ERC2: variants seen among roughly 807,000 people sequenced by gnomAD.
ERC2 encodes the protein ELKS/RAB6-interacting/CAST family member 2.
ERC2 carries 42 observed loss-of-function variants against 114.8 expected under a neutral mutation model. The ratio of observed to expected loss-of-function variants is 0.37; its 90% CI spans 0.29 to 0.47. The LOEUF is 0.47. Among genes scored for constraint, ERC2 ranks in the 20% least tolerant of loss-of-function variants. The pLI, the probability that ERC2 is intolerant of heterozygous loss-of-function variation, is 0.99. For missense variants in ERC2, 939 were observed against 1,150.7 expected (o/e 0.82, Z 2.66); for synonymous variants, 454 against 425.5 (o/e 1.07, Z -0.82).
intron 13 of ERC2, among the ~76,000 whole-genome samples, chr3:55,888,973 T>G (rs761946472): frequency 1.3e-5 from 2 of 152,184 alleles, no homozygotes; most frequent in African/African-American, 2.4e-5. Context: ...ACAAGAAATG[T>G]CCAAATTTCT....
chr3:56,194,428 A>G (rs150231318), intron 3 of ERC2, among the ~76,000 whole-genome samples: 100 of 152,336 alleles, frequency 6.6e-4, no homozygotes, highest in African/African-American at 2.3e-3. Context: ...TGTACTCTAC[A>G]GCCTGGGAGA....
At chr3:55,650,956 C>T (rs1177436750) in intron 17 of ERC2, among the ~76,000 whole-genome samples, 2 of 151,706 alleles carry the variant, frequency 1.3e-5, no homozygotes, top group African/African-American at 4.8e-5. Flanking sequence ...AACCAATTCT[C>T]CCTGCCTCAG....
chr3:56,255,874 G>C (rs2052481726), intron 3 of ERC2, among the ~76,000 whole-genome samples: 1 of 152,202 alleles, frequency 6.6e-6, no homozygotes, highest in African/African-American at 2.4e-5. Context: ...TTGCCTAGGA[G>C]CTAATTAGAA....
chr3:55,912,091 G>C (rs896320680), intron 13 of ERC2, among the ~76,000 whole-genome samples: 2 of 152,194 alleles, frequency 1.3e-5, no homozygotes, highest in Non-Finnish European at 2.9e-5. Context: ...ATTGGTGGTG[G>C]TAGGGATTGA....
At chr3:55,871,303 G>A (rs1362006250) in intron 14 of ERC2, among the ~76,000 whole-genome samples, 3 of 152,138 alleles carry the variant, frequency 2.0e-5, no homozygotes, top group Non-Finnish European at 4.4e-5. Context: ...CCATGAAGAA[G>A]TGAATTTTTT....
chr3:55,884,407 A>G (rs1559813897), intron 14 of ERC2, among the ~76,000 whole-genome samples: 3 of 152,218 alleles, frequency 2.0e-5, no homozygotes. Flanking sequence ...CTCTCTCTCC[A>G]TGTTAGGATC....
intron 6 of ERC2, among the ~76,000 whole-genome samples, chr3:56,109,767 C>T (rs1264056660): frequency 6.6e-6 from 1 of 151,790 alleles, no homozygotes; most frequent in African/African-American, 2.4e-5. Context: ...CCAAAAAGAA[C>T]AAATAAACTA....
chr3:56,041,565 C>T (rs2075194217), intron 7 of ERC2, among the ~76,000 whole-genome samples: 1 of 152,188 alleles, frequency 6.6e-6, no homozygotes, highest in South Asian at 2.1e-4. Flanking sequence ...AGAAAGCAGG[C>T]ATTCCCTTCC....
chr3:56,058,272 T>C lies in ERC2; in HGVS notation c.1641+22545A>G, dbSNP rs184241383. Among the ~76,000 whole-genome samples the C allele has an allele frequency of 3.3e-4, 51 of 152,318 alleles. No individual in the cohort carries two copies. In the East Asian group the frequency reaches 8.7e-3, roughly 26 times the overall value. Reference sequence around the variant, plus strand: ...GACCTGCAAGTGGTCTCTGTAACTGTTACGACCCTTGGACTTAATCCAACG... The same window carrying C: ...GACCTGCAAGTGGTCTCTGTAACTGCTACGACCCTTGGACTTAATCCAACG... On this transcript the variant is annotated intron_variant, in intron 7 of 17. Transcript: ENST00000288221.
chr3:55,577,985 C>G (rs2057071452), intron 17 of ERC2, among the ~76,000 whole-genome samples: 1 of 152,190 alleles, frequency 6.6e-6, no homozygotes, highest in South Asian at 2.1e-4. Flanking sequence ...GGACGTGGCC[C>G]CCACTGCAGG....
At chr3:56,340,812 G>A (rs1432580628) in intron 2 of ERC2, among the ~76,000 whole-genome samples, 1 of 152,080 alleles carries the variant, frequency 6.6e-6, no homozygotes, top group Non-Finnish European at 1.5e-5. Context: ...ATAGTTATAA[G>A]TATCTCCTTC....
intron 15 of ERC2, among the ~76,000 whole-genome samples, chr3:55,700,194 C>T (rs922000687): frequency 2.6e-5 from 4 of 152,330 alleles, no homozygotes; most frequent in South Asian, 2.1e-4. Flanking sequence ...CATGGTTAAA[C>T]CCCCAATGCA....
chr3:56,344,265 G>C (rs1420199930), intron 2 of ERC2, among the ~76,000 whole-genome samples: 1 of 152,192 alleles, frequency 6.6e-6, no homozygotes, highest in Non-Finnish European at 1.5e-5. Flanking sequence ...GGCTACTTGA[G>C]CCCTTTAGCC....
intron 14 of ERC2, among the ~76,000 whole-genome samples, chr3:55,876,679 A>C (rs1186397465): frequency 6.6e-6 from 1 of 152,226 alleles, no homozygotes; most frequent in Non-Finnish European, 1.5e-5. Context: ...GTGGACCAGA[A>C]AGAACCACAG....
At chr3:56,306,310 T>G (rs2056224075) in intron 2 of ERC2, among the ~76,000 whole-genome samples, 1 of 152,140 alleles carries the variant, frequency 6.6e-6, no homozygotes, top group Admixed American at 6.6e-5. Flanking sequence ...AACAGACACA[T>G]ACAAGAACAT....
Position 55,800,426 on chromosome 3 carries a change from G to A in ERC2, c.2565-65508C>T, listed in dbSNP as rs536746924. Among the ~76,000 whole-genome samples the A allele has an allele frequency of 1.5e-3, 234 of 152,110 alleles. 2 individuals carry two copies. Among genetic ancestry groups the A allele is most frequent in the Non-Finnish European group, 3.0e-3 (201 of 68,034 alleles). Reference sequence around the variant, plus strand: ...CAAAGTGCTGGGATTACAGGTGTGAGCCACCGCGCCTAGCCGGAAGTTATG... The same window carrying A: ...CAAAGTGCTGGGATTACAGGTGTGAACCACCGCGCCTAGCCGGAAGTTATG... On this transcript the variant is annotated intron_variant, in intron 14 of 17. Transcript: ENST00000288221.
rs537116991 is a variant in ERC2 at position 55,546,212 on chromosome 3, T to C, written c.*40-34936A>G. Reference sequence around the variant, plus strand: ...GGCTCTGCTCGGCACTTCCTGGGCCTCTTCATTCTGTCCGGCCTCCCTGCT... The same window carrying C: ...GGCTCTGCTCGGCACTTCCTGGGCCCCTTCATTCTGTCCGGCCTCCCTGCT... On this transcript the variant is annotated intron_variant, in intron 17 of 17. Transcript: ENST00000288221. 2.0e-5 allele frequency among the ~76,000 whole-genome samples: 3 copies of C among 152,306 alleles called. No homozygotes were observed. In the South Asian group the frequency reaches 6.2e-4, roughly 32 times the overall value.
intron 6 of ERC2, among the ~76,000 whole-genome samples, chr3:56,088,047 CTG>C (rs558399606): frequency 9.2e-5 from 14 of 152,232 alleles, no homozygotes; most frequent in Middle Eastern, 6.8e-3. Flanking sequence ...AGATGAAACG[CTG>C]TGTTTTCTTC....
At chr3:55,972,977 A>T (rs755034554) in intron 12 of ERC2, among the ~76,000 whole-genome samples, 13 of 152,322 alleles carry the variant, frequency 8.5e-5, no homozygotes, top group Admixed American at 2.0e-4. Flanking sequence ...ATGAGGGGGT[A>T]GAGTGACATT....
Sources: allele counts gnomAD v4.1 joint callset (sites outside exome capture counted in the v4.1 genomes callset), GRCh38; gene constraint gnomAD v4.1.1; transcripts MANE v1.5; gene names NCBI Gene and HGNC (gene_info 2026-07-23, HGNC 2026-07-21).